The following ENAH variants were observed in gnomAD, a reference collection of about 807,000 sequenced individuals.
ENAH encodes ENAH actin regulator.
In ENAH, 23 loss-of-function variants were observed where a neutral mutation model predicts 78.7. That is an observed-to-expected ratio of 0.29 (90% CI 0.21 to 0.41). ENAH has a LOEUF of 0.41. ENAH is among the 10% of genes least tolerant of loss of function. The pLI is 1.00. For missense variants in ENAH, 544 were observed against 691.0 expected, an observed-to-expected ratio of 0.79 and a Z score of 2.39; for synonymous variants, 226 against 241.0, an observed-to-expected ratio of 0.94 and a Z score of 0.58.
Position 225,519,407 on chromosome 1 carries a change from C to A in ENAH, c.593G>T (p.Arg198Leu), listed in dbSNP as rs935322209. The change falls in exon 5 of 14, where the codon CGG becomes CTG. Residue 198 changes from arginine (R) to leucine (L), a missense_variant. By Grantham distance (102) the Arg-to-Leu change is moderately radical. Transcript: ENST00000366843. The stretch of plus-strand genomic sequence containing the variant: ...CCGCTCCAGGCGTTCCTGCCGTTCC[C>A]GTTCTTGTCTCTCTCTCTCCAGCTG... Reference protein sequence around the residue: ...QEQLERERQERERQERLERQE... With the variant: ...QEQLERERQELERQERLERQE... The A allele has an allele frequency of 2.5e-6, 4 of 1,608,086 alleles. No individual in the cohort carries two copies. Among genetic ancestry groups the A allele is most frequent in the African/African-American group, 1.4e-5 (1 of 74,016 alleles).
rs1453616668 is a variant in ENAH, at chr1:225,489,854, TAGG to T, written c.*7918_*7920del. On this transcript the variant is annotated 3_prime_UTR_variant, in exon 14 of 14. Transcript: ENST00000366843. ...GTCCCAGCTACTAAGGAGGCTGAGG[TAGG>T]AGAATCGCTTGAACCCGGGAGGCAG... is the stretch of plus-strand genomic sequence containing the variant. 1 of 151,752 alleles carries T rather than the reference TAGG, an allele frequency of 6.6e-6. No individual in the cohort carries two copies. Among genetic ancestry groups the T allele is most frequent in the Admixed American group, 6.6e-5 (1 of 15,202 alleles). 9.4% of individuals were successfully genotyped at this position (151,752 alleles called of 1,614,324 possible).
intron 3 of ENAH, among the ~76,000 whole-genome samples, chr1:225,534,844 T>C (rs1227783608): frequency 1.3e-5 from 2 of 152,156 alleles, no homozygotes; most frequent in African/African-American, 4.8e-5. Flanking sequence ...CTTAGATATA[T>C]ATCTTATTCT....
chr1:225,501,762 G>A (rs890480436), intron 11 of ENAH, among the ~76,000 whole-genome samples: 20 of 152,286 alleles, frequency 1.3e-4, no homozygotes, highest in African/African-American at 4.3e-4. Flanking sequence ...TAAATAAAAA[G>A]GATATGCCAG....
chr1:225,588,323 A>C (rs923148996), intron 1 of ENAH, among the ~76,000 whole-genome samples: 2 of 152,232 alleles, frequency 1.3e-5, no homozygotes, highest in Non-Finnish European at 2.9e-5. Flanking sequence ...TGGGCAAATA[A>C]GTTGAACAGA....
chr1:225,536,402 T>C (rs2151295551), intron 3 of ENAH, among the ~76,000 whole-genome samples: 1 of 152,066 alleles, frequency 6.6e-6, no homozygotes, highest in South Asian at 2.1e-4. Context: ...TTTTTTTTTT[T>C]ACTATTACTT....
At chr1:225,535,708 A>G (rs1395454366) in intron 3 of ENAH, 1 of 289,422 alleles carries the variant, frequency 3.5e-6, no homozygotes, top group Non-Finnish European at 7.0e-6. Flanking sequence ...AAGCTCTGTA[A>G]TTTAATAAAA....
chr1:225,610,656 A>G (rs530392863), intron 1 of ENAH, among the ~76,000 whole-genome samples: 1 of 152,300 alleles, frequency 6.6e-6, no homozygotes, highest in South Asian at 2.1e-4. Context: ...GAACAAAAGA[A>G]AACCACTTAC....
intron 11 of ENAH, among the ~76,000 whole-genome samples, chr1:225,502,774 A>G (rs1001151360): frequency 2.0e-5 from 3 of 152,212 alleles, no homozygotes; most frequent in Admixed American, 2.0e-4. Context: ...ACTTAGATCC[A>G]TAAAATGCAG....
At chr1:225,645,241 T>C (rs751219507) in intron 1 of ENAH, among the ~76,000 whole-genome samples, 8 of 152,264 alleles carry the variant, frequency 5.3e-5, no homozygotes, top group Non-Finnish European at 8.8e-5. Context: ...TCTTCTGGTG[T>C]TATTATATAG....
Position 225,512,726 on chromosome 1 carries a change from G to A in ENAH, c.1365-12C>T, listed in dbSNP as rs748601039. 20 of 1,612,372 alleles carry A rather than the reference G, an allele frequency of 1.2e-5. No homozygotes were observed. The highest frequency in any genetic ancestry group is 2.5e-6 in the Non-Finnish European group (3 of 1,179,512). ...CAGCAATTCTTCTCCTACAAAGAAG[G>A]CAAATCCGATTTTTAAAAATATTAT... is the stretch of plus-strand genomic sequence containing the variant. On this transcript the variant is annotated splice_polypyrimidine_tract_variant and intron_variant, in intron 8 of 13. Coordinates refer to ENST00000366843, the MANE Select transcript of ENAH (RefSeq NM_018212.6).
At chr1:225,589,434 T>G (rs1056176304) in intron 1 of ENAH, among the ~76,000 whole-genome samples, 1 of 152,186 alleles carries the variant, frequency 6.6e-6, no homozygotes, top group South Asian at 2.1e-4. Flanking sequence ...AAATAAATTA[T>G]AGTCAGCCCT....
chr1:225,578,681 A>G (rs1023713662), intron 1 of ENAH, among the ~76,000 whole-genome samples: 5 of 152,228 alleles, frequency 3.3e-5, no homozygotes, highest in Non-Finnish European at 7.3e-5. Context: ...CGTTACTTGG[A>G]AAAATTAAAA....
intron 1 of ENAH, among the ~76,000 whole-genome samples, chr1:225,572,439 G>T (rs1008675939): frequency 1.3e-5 from 2 of 152,116 alleles, no homozygotes; most frequent in Admixed American, 1.3e-4. Context: ...CTAAAAATAG[G>T]AATATTTCAA....
At chr1:225,583,207 C>T (rs578222879) in intron 1 of ENAH, among the ~76,000 whole-genome samples, 23 of 152,172 alleles carry the variant, frequency 1.5e-4, no homozygotes, top group Admixed American at 1.0e-3. Context: ...GAGGCTGAGG[C>T]GAGCAGATCA....
At chr1:225,536,734 G>C (rs2096563567) in intron 3 of ENAH, among the ~76,000 whole-genome samples, 1 of 151,828 alleles carries the variant, frequency 6.6e-6, no homozygotes, top group Non-Finnish European at 1.5e-5. Flanking sequence ...ATCATTTTTA[G>C]AAATTATTTA....
rs2096223304 is a variant in ENAH at position 225,491,720 on chromosome 1, C to T, written c.*6055G>A. 1 of 152,152 alleles carries T rather than the reference C, an allele frequency of 6.6e-6. No individual in the cohort carries two copies. The highest frequency in any genetic ancestry group is 1.5e-5 in the Non-Finnish European group (1 of 68,032). 9.4% of individuals were successfully genotyped at this position (152,152 alleles called of 1,614,324 possible). A position where few individuals can be genotyped will look rare whatever the true frequency, so the allele number is the denominator to read the frequency against. On this transcript the variant is annotated 3_prime_UTR_variant, in exon 14 of 14. Coordinates refer to ENST00000366843, the MANE Select transcript of ENAH (RefSeq NM_018212.6). ...ATTAACTCTCAATCTAAACACTAGC[C>T]AATGTAGACTTTTTCTTCTGAGTGC...
chr1:225,559,343 T>G (rs2096687219), intron 2 of ENAH, among the ~76,000 whole-genome samples: 1 of 152,222 alleles, frequency 6.6e-6, no homozygotes, highest in Admixed American at 6.5e-5. Context: ...GGGCCAAGCA[T>G]ATATACAATT....
At chr1:225,545,703 T>C (rs1243062857) in intron 3 of ENAH, among the ~76,000 whole-genome samples, 1 of 152,124 alleles carries the variant, frequency 6.6e-6, no homozygotes, top group Non-Finnish European at 1.5e-5. Context: ...GGCTGAAGTA[T>C]AATGAAGAAG....
rs897384978 is a variant in ENAH at position 225,488,740 on chromosome 1, T to C, written c.*9035A>G. On this transcript the variant is annotated 3_prime_UTR_variant, in exon 14 of 14. Transcript: ENST00000366843. Reference sequence around the variant, plus strand: ...AAAGGACACGCACCAAGAACCAAAGTAAAAGAATGTCAGCAAAACAGGACC... The same window carrying C: ...AAAGGACACGCACCAAGAACCAAAGCAAAAGAATGTCAGCAAAACAGGACC... 6.6e-6 allele frequency: 1 copy of C among 152,140 alleles called. No homozygotes were observed. Among genetic ancestry groups the C allele is most frequent in the African/African-American group, 2.4e-5 (1 of 41,426 alleles). The allele number at this position is 152,140 out of a possible 1,614,324, so 9.4% of individuals were successfully genotyped here.
Sources: gnomAD v4.1 joint callset for allele counts (sites outside exome capture counted in the v4.1 genomes callset) on GRCh38, gnomAD v4.1.1 for gene constraint, MANE v1.5 for transcripts, NCBI Gene and HGNC (gene_info 2026-07-23, HGNC 2026-07-21) for gene names.